Variants in RORA observed in about 807,000 individuals in gnomAD.
RORA encodes nuclear receptor ROR-alpha.
RORA carries 7 observed loss-of-function variants against 69.5 expected under a neutral mutation model. The ratio of observed to expected loss-of-function variants is 0.10; its 90% CI spans 0.06 to 0.19. The LOEUF (loss-of-function observed/expected upper bound fraction) is 0.19, where lower values mean the gene tolerates loss of function less well. Among genes scored for constraint, RORA ranks in the 10% least tolerant of loss-of-function variants. The probability of loss-of-function intolerance (pLI) is 1.00; values close to 1 mark genes in which losing one functional copy is unlikely to be tolerated. For missense variants in RORA, 457 were observed against 663.0 expected, an observed-to-expected ratio of 0.69 and a Z score of 3.41; for synonymous variants, 261 against 240.8, an observed-to-expected ratio of 1.08 and a Z score of -0.78.
At chr15:60,608,786 T>C (rs2069013097) in intron 2 of RORA, among the ~76,000 whole-genome samples, 1 of 152,194 alleles carries the variant, frequency 6.6e-6, no homozygotes, top group African/African-American at 2.4e-5. Flanking sequence ...TACATGGCTC[T>C]TCAACAACAT....
At chr15:61,188,300 C>G (rs1472962450) in intron 1 of RORA, among the ~76,000 whole-genome samples, 2 of 152,168 alleles carry the variant, frequency 1.3e-5, no homozygotes, top group African/African-American at 2.4e-5. Context: ...AAAGCAGACC[C>G]AGGCAATGTG....
chr15:61,126,234 C>T (rs1280090478), intron 1 of RORA, among the ~76,000 whole-genome samples: 2 of 152,166 alleles, frequency 1.3e-5, no homozygotes, highest in Non-Finnish European at 2.9e-5. Context: ...CTAACTGACA[C>T]ACAAAAATTG....
intron 1 of RORA, among the ~76,000 whole-genome samples, chr15:60,729,215 C>T (rs1474667259): frequency 6.6e-6 from 1 of 152,194 alleles, no homozygotes; most frequent in African/African-American, 2.4e-5. Context: ...CCTCCCACCT[C>T]TGTTCTGCTC....
chr15:60,595,662 T>C (rs1361824985), intron 2 of RORA, among the ~76,000 whole-genome samples: 2 of 147,286 alleles, frequency 1.4e-5, no homozygotes, highest in African/African-American at 5.1e-5. Flanking sequence ...ATATTCTTTC[T>C]TTTTCTTTTT....
chr15:60,716,109 G>T (rs546523028), intron 1 of RORA, among the ~76,000 whole-genome samples: 31 of 151,862 alleles, frequency 2.0e-4, no homozygotes, highest in African/African-American at 6.7e-4. Flanking sequence ...AGTAGGTCTG[G>T]GGTGGGCCCT....
At chr15:60,728,614 T>A (rs960236344) in intron 1 of RORA, among the ~76,000 whole-genome samples, 1 of 152,228 alleles carries the variant, frequency 6.6e-6, no homozygotes, top group African/African-American at 2.4e-5. Context: ...GAAAAGATTA[T>A]GTCTCCCATT....
At chr15:61,195,096 AG>A (rs1256247011) in intron 1 of RORA, among the ~76,000 whole-genome samples, 4 of 152,120 alleles carry the variant, frequency 2.6e-5, no homozygotes, top group African/African-American at 9.7e-5. Flanking sequence ...AGAGGTATAC[AG>A]GTGGATTTAC....
intron 1 of RORA, among the ~76,000 whole-genome samples, chr15:60,839,240 G>A (rs1249375370): frequency 6.6e-6 from 1 of 152,062 alleles, no homozygotes; most frequent in Non-Finnish European, 1.5e-5. Flanking sequence ...GGCATTGTAA[G>A]AATAGTATTA....
intron 1 of RORA, among the ~76,000 whole-genome samples, chr15:60,732,087 T>C (rs2071437015): frequency 6.6e-6 from 1 of 152,232 alleles, no homozygotes; most frequent in South Asian, 2.1e-4. Context: ...CTCTAGCAGA[T>C]GCTGGGTACA....
At chr15:61,105,454 A>C (rs1332469079) in intron 1 of RORA, among the ~76,000 whole-genome samples, 1 of 152,198 alleles carries the variant, frequency 6.6e-6, no homozygotes, top group East Asian at 1.9e-4. Context: ...ATAAAGTCTG[A>C]AGTCTTCCAA....
chr15:60,539,723 T>C (rs79572623), intron 2 of RORA, among the ~76,000 whole-genome samples: 3 of 149,008 alleles, frequency 2.0e-5, no homozygotes, highest in East Asian at 3.9e-4. Flanking sequence ...AATACAATCC[T>C]TTTTTTTTTC....
chr15:60,634,301 C>T (rs78546161), intron 2 of RORA, among the ~76,000 whole-genome samples: 4,255 of 152,274 alleles, frequency 0.028, 207 homozygotes, highest in African/African-American at 0.097. Flanking sequence ...CTTGCACTTT[C>T]CCACAGTCCT....
chr15:60,588,367 A>G (rs1286325158), intron 2 of RORA, among the ~76,000 whole-genome samples: 1 of 152,214 alleles, frequency 6.6e-6, no homozygotes, highest in Non-Finnish European at 1.5e-5. Flanking sequence ...TTTGTTCCAC[A>G]TAAGGGGTTT....
intron 1 of RORA, among the ~76,000 whole-genome samples, chr15:61,059,532 T>C (rs60282675): frequency 0.083 from 12,616 of 152,312 alleles, 635 homozygotes; most frequent in South Asian, 0.13. Context: ...TCTGGAAGAA[T>C]AGGGATTTGT....
chr15:61,208,097 T>C (rs1055231087), intron 1 of RORA, among the ~76,000 whole-genome samples: 1 of 152,120 alleles, frequency 6.6e-6, no homozygotes, highest in African/African-American at 2.4e-5. Context: ...TTTTTCCCAG[T>C]ATGGGGGTAG....
chr15:60,498,874 C>A (rs1192857257), intron 10 of RORA, among the ~76,000 whole-genome samples: 46 of 145,006 alleles, frequency 3.2e-4, no homozygotes, highest in African/African-American at 9.2e-4. Flanking sequence ...AAAAAAAAAA[C>A]AAGCAAACAA....
chr15:60,713,282 A>C (rs2071170082), intron 1 of RORA, among the ~76,000 whole-genome samples: 1 of 152,126 alleles, frequency 6.6e-6, no homozygotes, highest in African/African-American at 2.4e-5. Flanking sequence ...GAGGCTGAAG[A>C]GGTCACTTGG....
chr15:60,496,237 C>T lies in RORA; in HGVS notation c.*1218G>A, dbSNP rs557611679. 6 of 152,290 alleles carry T rather than the reference C, an allele frequency of 3.9e-5. No individual in the cohort carries two copies. Among genetic ancestry groups the T allele is most frequent in the Admixed American group, 3.3e-4 (5 of 15,294 alleles). 9.4% of individuals were successfully genotyped at this position (152,290 alleles called of 1,614,324 possible). On this transcript the variant is annotated 3_prime_UTR_variant, in exon 11 of 11. Transcript: ENST00000335670. This position sits in a 1 kb window ranked among gnomAD's most constrained non-coding sequence, Gnocchi z 4.5. ...AACATAAACATTCACAAAGTAAATA[C>T]TTCATGTCCTCACATGGGGAGTGTG...
At chr15:60,668,979 A>C (rs1318563662) in intron 2 of RORA, among the ~76,000 whole-genome samples, 1 of 152,184 alleles carries the variant, frequency 6.6e-6, no homozygotes, top group South Asian at 2.1e-4. Context: ...GACTTTGCCT[A>C]CCTAAGGAGT....
Sources: allele counts gnomAD v4.1 joint callset (sites outside exome capture counted in the v4.1 genomes callset), GRCh38; gene constraint gnomAD v4.1.1; non-coding constraint Gnocchi (gnomAD v3.1); transcripts MANE v1.5; gene names NCBI Gene and HGNC (gene_info 2026-07-23, HGNC 2026-07-21).